SORCS2: variants seen among roughly 807,000 people sequenced by gnomAD.
SORCS2 encodes the protein VPS10 domain-containing receptor SorCS2.
In SORCS2, 100 loss-of-function variants were observed where a neutral mutation model predicts 141.6. The observed-to-expected ratio is 0.71, with a 90% CI of 0.60 to 0.83. SORCS2 has a LOEUF of 0.83. Among genes scored for constraint, SORCS2 ranks in the 40% least tolerant of loss-of-function variants. The pLI is 0.00. For synonymous variants in SORCS2, 789 were observed against 676.9 expected (o/e 1.17, Z -2.57); for missense variants, 1,646 against 1,560.2 (o/e 1.05, Z -0.93).
chr4:7,501,298 G>T (rs562168596), intron 2 of SORCS2, among the ~76,000 whole-genome samples: 54 of 152,148 alleles, frequency 3.5e-4, no homozygotes, highest in Non-Finnish European at 6.2e-4. Flanking sequence ...TGGTTCCTTG[G>T]TTGCAATCAA....
intron 2 of SORCS2, among the ~76,000 whole-genome samples, chr4:7,502,552 A>C (rs903126130): frequency 2.6e-5 from 4 of 152,222 alleles, no homozygotes; most frequent in African/African-American, 9.6e-5. Flanking sequence ...CCTCATCCCC[A>C]GCCGCCTTTG....
chr4:7,388,515 G>A lies in SORCS2; in HGVS notation c.481-7773G>A, dbSNP rs60707765. Reference sequence around the variant, plus strand: ...TGTCATGACTACTAAAGGGTCTCTAGTTGAAATCTCCCAGTCTCCCTCCTG... The same window carrying A: ...TGTCATGACTACTAAAGGGTCTCTAATTGAAATCTCCCAGTCTCCCTCCTG... On this transcript the variant is annotated intron_variant, in intron 1 of 26. Transcript: ENST00000507866. 3.3e-3 allele frequency among the ~76,000 whole-genome samples: 509 copies of A among 152,244 alleles called. 3 individuals are homozygous for A. Among genetic ancestry groups the A allele is most frequent in the African/African-American group, 0.011 (462 of 41,508 alleles).
At position 7,332,562 on chromosome 4, in the gene SORCS2, G is replaced by A. The variant is rs115506262; in HGVS notation, c.481-63726G>A. Among the ~76,000 whole-genome samples, 1,228 of 152,292 alleles carry A rather than the reference G, an allele frequency of 8.1e-3. 17 individuals carry two copies. The highest frequency in any genetic ancestry group is 0.028 in the African/African-American group (1,183 of 41,548). On this transcript the variant is annotated intron_variant, in intron 1 of 26. Coordinates refer to ENST00000507866, the MANE Select transcript of SORCS2 (RefSeq NM_020777.3). The stretch of plus-strand genomic sequence containing the variant: ...CACTCTCCGGGCTGGGCATGTTGAC[G>A]GCAGACTTCAGCCCCATGAAGCAAA...
chr4:7,721,361 G>A (rs1726580243), intron 18 of SORCS2, among the ~76,000 whole-genome samples: 1 of 152,168 alleles, frequency 6.6e-6, no homozygotes, highest in South Asian at 2.1e-4. Context: ...AGCTACTTGG[G>A]AGGCTGAGGC....
chr4:7,734,345 G>T lies in SORCS2; in HGVS notation c.3282G>T (p.Ala1094=). The T allele has an allele frequency of 6.3e-7, 1 of 1,584,498 alleles. No individual in the cohort carries two copies. The highest frequency in any genetic ancestry group is 8.6e-7 in the Non-Finnish European group (1 of 1,165,796). Residue 1094 remains alanine, a synonymous_variant, in exon 25 of 27, where the codon GCG becomes GCT. Transcript: ENST00000507866. ...TGTTTGTCATCGGGCTCTTCGCAGC[G>T]GGAGCCTTCATCCTCTACAAGTTCA... ...VVLFVIGLFA[A]GAFILYKFKR... is the part of the protein sequence containing the mutation.
rs73083772 is a variant in SORCS2, at chr4:7,303,065, G to A, written c.481-93223G>A. ...AATGTTAATGCGGCCAGTGCTCTGGGCCACTCCTCCATGCACACAAAACAG... is the reference window on the plus strand; with the variant it reads ...AATGTTAATGCGGCCAGTGCTCTGGACCACTCCTCCATGCACACAAAACAG... On this transcript the variant is annotated intron_variant, in intron 1 of 26. Transcript: ENST00000507866. Among the ~76,000 whole-genome samples, 359 of 152,238 alleles carry A rather than the reference G, an allele frequency of 2.4e-3. 3 individuals carry two copies. The highest frequency in any genetic ancestry group is 8.3e-3 in the African/African-American group (345 of 41,554).
intron 1 of SORCS2, among the ~76,000 whole-genome samples, chr4:7,375,292 T>G (rs763215072): frequency 1.1e-4 from 16 of 152,206 alleles, no homozygotes; most frequent in Non-Finnish European, 1.8e-4. Flanking sequence ...GTTGGACATT[T>G]ATATCAGTGT....
intron 3 of SORCS2, among the ~76,000 whole-genome samples, chr4:7,586,662 A>G (rs936700913): frequency 6.6e-6 from 1 of 152,156 alleles, no homozygotes; most frequent in African/African-American, 2.4e-5. Context: ...ACATGAACTC[A>G]TTCCTTTTTT....
At chr4:7,453,950 G>C (rs1728676893) in intron 2 of SORCS2, among the ~76,000 whole-genome samples, 1 of 103,194 alleles carries the variant, frequency 9.7e-6, no homozygotes, top group East Asian at 2.8e-4. Flanking sequence ...GTCAGGAGCT[G>C]TGTGTTGGGG....
At chr4:7,509,516 C>G (rs745462763) in intron 2 of SORCS2, among the ~76,000 whole-genome samples, 12 of 152,166 alleles carry the variant, frequency 7.9e-5, no homozygotes, top group Non-Finnish European at 1.3e-4. Flanking sequence ...CATGTCCATA[C>G]TCACCCGCAC....
intron 1 of SORCS2, among the ~76,000 whole-genome samples, chr4:7,236,205 C>T (rs570489813): frequency 7.9e-5 from 12 of 152,296 alleles, no homozygotes; most frequent in African/African-American, 2.4e-4. Flanking sequence ...TATGAAGTGT[C>T]TGGAAATGGA....
In SORCS2 at chr4:7,297,011, C is replaced by T. The variant is rs1196857522; in HGVS notation, c.481-99277C>T. On this transcript the variant is annotated intron_variant, in intron 1 of 26. Transcript: ENST00000507866. ...TCCGGCCTCTGGGGATTTGAACTTG[C>T]AGCCGAACACCTGGGACAGCCATGC... 5.3e-5 allele frequency among the ~76,000 whole-genome samples: 8 copies of T among 152,200 alleles called. No individual in the cohort carries two copies. In the South Asian group the frequency reaches 1.2e-3, roughly 24 times the overall value.
At chr4:7,635,271 T>A (rs918066072) in intron 3 of SORCS2, among the ~76,000 whole-genome samples, 1 of 152,198 alleles carries the variant, frequency 6.6e-6, no homozygotes, top group Non-Finnish European at 1.5e-5. Context: ...AACACTCGGC[T>A]CCTGACCTCG....
intron 1 of SORCS2, among the ~76,000 whole-genome samples, chr4:7,312,315 A>G (rs539310846): frequency 6.6e-6 from 1 of 152,360 alleles, no homozygotes; most frequent in South Asian, 2.1e-4. Context: ...AGCACCGATC[A>G]ACCCTCAGCT....
chr4:7,270,481 C>G (rs144847752), intron 1 of SORCS2, among the ~76,000 whole-genome samples: 1 of 152,230 alleles, frequency 6.6e-6, no homozygotes. Context: ...TTCCCTCCAG[C>G]GCTTCCTCTG....
intron 4 of SORCS2, among the ~76,000 whole-genome samples, chr4:7,653,320 T>C (rs1343331470): frequency 1.3e-5 from 2 of 152,208 alleles, no homozygotes; most frequent in Non-Finnish European, 2.9e-5. Context: ...CTTGGCTCAC[T>C]GCAACCTCCG....
At chr4:7,713,671 G>A (rs1178344239) in intron 15 of SORCS2, among the ~76,000 whole-genome samples, 1 of 152,176 alleles carries the variant, frequency 6.6e-6, no homozygotes, top group Non-Finnish European at 1.5e-5. Context: ...AGGGCGATCG[G>A]ATATCAAGGG....
chr4:7,394,982 A>C (rs890863398), intron 1 of SORCS2, among the ~76,000 whole-genome samples: 6 of 152,156 alleles, frequency 3.9e-5, no homozygotes, highest in Admixed American at 2.0e-4. Flanking sequence ...CAATGGGTTA[A>C]AGTCCACACC....
intron 3 of SORCS2, among the ~76,000 whole-genome samples, chr4:7,607,262 G>T (rs985117012): frequency 1.3e-5 from 2 of 152,158 alleles, no homozygotes; most frequent in African/African-American, 4.8e-5. Flanking sequence ...AAAAATATGT[G>T]TTCAGCATTT....
Sources: gnomAD v4.1 joint callset for allele counts (sites outside exome capture counted in the v4.1 genomes callset) on GRCh38, gnomAD v4.1.1 for gene constraint, MANE v1.5 for transcripts, NCBI Gene and HGNC (gene_info 2026-07-23, HGNC 2026-07-21) for gene names.